Variants in UTY observed in about 807,000 individuals in gnomAD.
UTY encodes histone demethylase UTY.
A neutral mutation model predicts 32.5 loss-of-function variants in UTY; 12 were observed. The observed-to-expected ratio is 0.37, with a 90% CI of 0.24 to 0.60. The LOEUF (loss-of-function observed/expected upper bound fraction) is 0.60. Ranked by LOEUF, UTY falls within the 20% of genes least tolerant of loss-of-function variation. The probability of loss-of-function intolerance (pLI) is 0.69; values close to 1 mark genes in which losing one functional copy is unlikely to be tolerated. For missense variants in UTY, 303 were observed against 299.2 expected, an observed-to-expected ratio of 1.01 and a Z score of -0.09; for synonymous variants, 131 against 103.4, an observed-to-expected ratio of 1.27 and a Z score of -1.62.
intron 4 of UTY, 73 bp from the exon 5 acceptor site, chrY:13,414,866 A>G: frequency 1.0e-5 from 2 of 192,770 alleles, no homozygotes; most frequent in Non-Finnish European, 1.6e-5. Context: ...ATTAATAAGA[A>G]GTCACGTAAC....
intron 27 of UTY, among the ~76,000 whole-genome samples, chrY:13,263,040 G>A (rs2055431979): frequency 3.0e-5 from 1 of 32,952 alleles, no homozygotes; most frequent in Non-Finnish European, 7.4e-5. Context: ...AAGGAATAGC[G>A]CTTTGTTGCT....
chrY:13,368,754 T>C (rs2064565370), intron 9 of UTY, among the ~76,000 whole-genome samples: 1 of 33,040 alleles, frequency 3.0e-5, no homozygotes, highest in Non-Finnish European at 7.4e-5. Context: ...ATTTATACAG[T>C]AGTCCCCCAT....
At chrY:13,433,317 A>G in intron 4 of UTY, among the ~76,000 whole-genome samples, 1 of 33,659 alleles carries the variant, frequency 3.0e-5, no homozygotes. Flanking sequence ...ATACATTCAA[A>G]AGTTCCAACA....
chrY:13,378,225 T>C (rs2065625821), intron 8 of UTY, among the ~76,000 whole-genome samples: 1 of 33,406 alleles, frequency 3.0e-5, no homozygotes, highest in Non-Finnish European at 7.4e-5. Context: ...CATGTGCATA[T>C]TGTAAATAAC....
At chrY:13,324,230 T>TA (rs2060046440) in intron 20 of UTY, among the ~76,000 whole-genome samples, 1 of 31,422 alleles carries the variant, frequency 3.2e-5, no homozygotes, top group Non-Finnish European at 7.8e-5. Context: ...TTTTTTTTTT[T>TA]AAAAAGGGGA....
chrY:13,402,524 T>C, intron 6 of UTY, among the ~76,000 whole-genome samples: 1 of 33,808 alleles, frequency 3.0e-5, no homozygotes, highest in Non-Finnish European at 7.4e-5. Context: ...AATTTTGCTC[T>C]CATGAAGCCA....
intron 27 of UTY, among the ~76,000 whole-genome samples, chrY:13,263,926 C>T: frequency 6.0e-5 from 2 of 33,502 alleles, no homozygotes; most frequent in Non-Finnish European, 1.5e-4. Context: ...CTATTCCTCC[C>T]CTAACCCCCC....
intron 28 of UTY, among the ~76,000 whole-genome samples, chrY:13,258,999 C>T (rs2055043745): frequency 5.8e-5 from 2 of 34,336 alleles, no homozygotes; most frequent in African/African-American, 2.3e-4. Context: ...GGGCAAGGAA[C>T]GCCTGGCCCA....
intron 13 of UTY, 142 bp from the exon 14 acceptor site, chrY:13,358,761 T>C (rs2063227246): frequency 6.4e-6 from 1 of 155,662 alleles, no homozygotes; most frequent in Admixed American, 1.4e-4. Flanking sequence ...AAATGAATCA[T>C]CAAGGGAGCA....
At chrY:13,292,142 A>C in intron 27 of UTY, among the ~76,000 whole-genome samples, 5 of 33,321 alleles carry the variant, frequency 1.5e-4, no homozygotes, top group Non-Finnish European at 3.7e-4. Context: ...TTAGAAAAGA[A>C]GACATTATAA....
At chrY:13,431,604 G>A (rs2074016774) in intron 4 of UTY, among the ~76,000 whole-genome samples, 1 of 32,076 alleles carries the variant, frequency 3.1e-5, no homozygotes, top group African/African-American at 1.2e-4. Context: ...ATGCAGCAAT[G>A]GTTCAAACAA....
chrY:13,438,677 A>G (rs1010457257), intron 4 of UTY, among the ~76,000 whole-genome samples: 16 of 34,153 alleles, frequency 4.7e-4, no homozygotes, highest in Non-Finnish European at 1.1e-3. Flanking sequence ...TGTAGTAGAT[A>G]AAGTGTTTTC....
At chrY:13,262,255 C>T (rs2055326562) in intron 27 of UTY, among the ~76,000 whole-genome samples, 2 of 33,274 alleles carry the variant, frequency 6.0e-5, no homozygotes, top group African/African-American at 1.2e-4. Context: ...ACACAATTCT[C>T]GTAACAGCTC....
At chrY:13,446,619 T>TAGATAGATAGATAGATAGACAGACAGAC in intron 4 of UTY, among the ~76,000 whole-genome samples, 4 of 14,269 alleles carry the variant, frequency 2.8e-4, no homozygotes, top group Non-Finnish European at 7.3e-4. Flanking sequence ...GATAGATAGA[T>TAGATAGATAGATAGATAGACAGACAGAC]AGACAGACAG....
At chrY:13,327,167 A>G in intron 18 of UTY, among the ~76,000 whole-genome samples, 2 of 33,432 alleles carry the variant, frequency 6.0e-5, no homozygotes, top group Non-Finnish European at 1.5e-4. Flanking sequence ...AAGCTGTCTC[A>G]CCTAATTATT....
At chrY:13,290,261 A>G (rs755265732) in intron 27 of UTY, among the ~76,000 whole-genome samples, 5 of 33,385 alleles carry the variant, frequency 1.5e-4, no homozygotes, top group Admixed American at 1.1e-3. Context: ...TCTTAGCTAG[A>G]CTAACAACAA....
intron 10 of UTY, among the ~76,000 whole-genome samples, chrY:13,361,721 A>G: frequency 1.2e-4 from 4 of 33,794 alleles, no homozygotes; most frequent in African/African-American, 4.6e-4. Context: ...AGTAAAAACA[A>G]CCAGATGTGG....
At chrY:13,459,823 T>C in intron 3 of UTY, among the ~76,000 whole-genome samples, 1 of 33,361 alleles carries the variant, frequency 3.0e-5, no homozygotes, top group Non-Finnish European at 7.4e-5. Flanking sequence ...AATATTATTA[T>C]AGGCAAGATC....
intron 4 of UTY, among the ~76,000 whole-genome samples, chrY:13,426,326 G>A: frequency 3.0e-5 from 1 of 32,864 alleles, no homozygotes; most frequent in African/African-American, 1.2e-4. Context: ...ACACAAAGGT[G>A]CAAAAATAGA....
Sources: gnomAD v4.1 joint callset for allele counts (sites outside exome capture counted in the v4.1 genomes callset) on GRCh38, gnomAD v4.1.1 for gene constraint, MANE v1.5 for transcripts, NCBI Gene and HGNC (gene_info 2026-07-23, HGNC 2026-07-21) for gene names.